The following KATNBL1 variants were observed in gnomAD, a reference collection of about 807,000 sequenced individuals.
KATNBL1 encodes the protein katanin regulatory subunit B1 like 1.
KATNBL1 carries 28 observed loss-of-function variants against 44.7 expected under a neutral mutation model. That is an observed-to-expected ratio of 0.63 (90% CI 0.46 to 0.86). The LOEUF is 0.86. KATNBL1 is among the 40% of genes least tolerant of loss of function. The probability of loss-of-function intolerance (pLI) is 0.00; values close to 1 mark genes in which losing one functional copy is unlikely to be tolerated. For synonymous variants in KATNBL1, 78 were observed against 114.9 expected (o/e 0.68, Z 2.06); for missense variants, 272 against 350.7 (o/e 0.78, Z 1.79).
intron 1 of KATNBL1, among the ~76,000 whole-genome samples, chr15:34,171,909 G>A (rs1052866892): frequency 7.0e-6 from 1 of 142,286 alleles, no homozygotes; most frequent in African/African-American, 2.6e-5. Context: ...ACACAGGGCG[G>A]GGAACATCAC....
At chr15:34,190,871 G>C (rs1889852012) in intron 1 of KATNBL1, among the ~76,000 whole-genome samples, 1 of 152,128 alleles carries the variant, frequency 6.6e-6, no homozygotes, top group Non-Finnish European at 1.5e-5. Flanking sequence ...ACAGGAACCT[G>C]TTAATGCGAC....
intron 1 of KATNBL1, among the ~76,000 whole-genome samples, chr15:34,173,133 G>A (rs1186155473): frequency 6.6e-6 from 1 of 151,722 alleles, no homozygotes; most frequent in Non-Finnish European, 1.5e-5. Context: ...CCAGAAGACT[G>A]GTTTAGAGGG....
rs376731006 is a variant in KATNBL1, at chr15:34,177,372, C to T, written c.-14-13682G>A. ...GGATTAAACAGCTCTAGGCTGGGAGCGGTGGCTCACACATGTAATCCCAGC... is the reference window on the plus strand; with the variant it reads ...GGATTAAACAGCTCTAGGCTGGGAGTGGTGGCTCACACATGTAATCCCAGC... On this transcript the variant is annotated intron_variant, in intron 1 of 9. Coordinates refer to ENST00000256544, the MANE Select transcript of KATNBL1 (RefSeq NM_024713.3). 1.1e-3 allele frequency among the ~76,000 whole-genome samples: 167 copies of T among 152,102 alleles called. 1 individual carries two copies. The South Asian group carries it at 0.013, about 12-fold the overall frequency.
rs61740102 is a variant in KATNBL1, at chr15:34,186,816, T to C, written c.-14-23126A>G. Among the ~76,000 whole-genome samples the C allele has an allele frequency of 9.6e-3, 1,456 of 152,278 alleles. 10 individuals are homozygous for C. Among genetic ancestry groups the C allele is most frequent in the Middle Eastern group, 0.041 (12 of 294 alleles). ...GGCAGCGGGAGACAGACAAGAGTCC[T>C]GGATGGAAGGGGGCAGGGTCCCCAG... is the stretch of plus-strand genomic sequence containing the variant. On this transcript the variant is annotated intron_variant, in intron 1 of 9. Coordinates refer to ENST00000256544, the MANE Select transcript of KATNBL1 (RefSeq NM_024713.3).
chr15:34,186,304 G>A (rs1889713877), intron 1 of KATNBL1, among the ~76,000 whole-genome samples: 1 of 152,282 alleles, frequency 6.6e-6, no homozygotes, highest in African/African-American at 2.4e-5. Context: ...TCTGAGTTGG[G>A]ACAGGAGGTC....
chr15:34,170,459 C>T (rs113602095), intron 1 of KATNBL1, among the ~76,000 whole-genome samples: 31,357 of 152,120 alleles, frequency 0.21, 4,038 homozygotes, highest in African/African-American at 0.37. Flanking sequence ...AATGGAAGAA[C>T]ATTCCATGCT....
chr15:34,143,067 T>G (rs1165649948), intron 9 of KATNBL1: 1 of 1,217,298 alleles, frequency 8.2e-7, no homozygotes, highest in Non-Finnish European at 1.1e-6. Context: ...TTTAATTTTG[T>G]AAGAAAGTCT....
intron 8 of KATNBL1, chr15:34,146,402 G>C (rs1888311523): frequency 5.8e-6 from 1 of 172,444 alleles, no homozygotes; most frequent in East Asian, 1.6e-4. Context: ...GGACTCTCAG[G>C]TTAATGTCTA....
chr15:34,154,588 A>G (rs1012692024), intron 3 of KATNBL1, 56 bp downstream of exon 3: 4 of 1,092,272 alleles, frequency 3.7e-6, no homozygotes, highest in African/African-American at 3.1e-5. Flanking sequence ...CCTTATTGTC[A>G]TCCTTACCCA....
Position 34,153,086 on chromosome 15 carries a change from T to C in KATNBL1, c.159-17A>G. On this transcript the variant is annotated splice_polypyrimidine_tract_variant and intron_variant, in intron 3 of 9. Transcript: ENST00000256544. The stretch of plus-strand genomic sequence containing the variant: ...CCAACTGTTCTGTAAAAAGAATTTA[T>C]TTTCTTAAATGAAAAAGAACCATAT... The C allele has an allele frequency of 6.4e-7, 1 of 1,556,910 alleles. No homozygotes were observed.
intron 2 of KATNBL1, among the ~76,000 whole-genome samples, chr15:34,155,385 T>G (rs934915697): frequency 6.6e-6 from 1 of 152,136 alleles, no homozygotes; most frequent in South Asian, 2.1e-4. Context: ...CTGTATGTCT[T>G]TGGACTAGCC....
chr15:34,146,732 C>T (rs1411769391), intron 8 of KATNBL1, 29 bp downstream of exon 8: 12 of 1,292,964 alleles, frequency 9.3e-6, no homozygotes, highest in Admixed American at 1.7e-5. Context: ...AAAATTTCAG[C>T]ATGAGTTTAT....
intron 1 of KATNBL1, among the ~76,000 whole-genome samples, chr15:34,197,933 A>G (rs989788431): frequency 6.6e-6 from 1 of 152,070 alleles, no homozygotes; most frequent in African/African-American, 2.4e-5. Context: ...TTTTTAGTAG[A>G]GACAGGGTTT....
At chr15:34,199,625 A>T (rs1314713454) in intron 1 of KATNBL1, 1 of 152,362 alleles carries the variant, frequency 6.6e-6, no homozygotes, top group African/African-American at 2.4e-5. Context: ...GCTCTCAAAA[A>T]TGGTGTGTCC....
At chr15:34,147,505 A>C in intron 5 of KATNBL1, 75 bp from the exon 6 acceptor site, 2 of 1,162,234 alleles carry the variant, frequency 1.7e-6, no homozygotes, top group Non-Finnish European at 2.5e-6. Context: ...GATTATTCAC[A>C]CCGCTTTTGA....
At chr15:34,163,500 A>C (rs934270062) in intron 2 of KATNBL1, 60 bp downstream of exon 2, 2 of 1,540,852 alleles carry the variant, frequency 1.3e-6, no homozygotes, top group African/African-American at 2.8e-5. Context: ...TCAACCAGAG[A>C]TATCTAGAGA....
At chr15:34,194,105 C>T (rs1440467355) in intron 1 of KATNBL1, among the ~76,000 whole-genome samples, 18 of 152,064 alleles carry the variant, frequency 1.2e-4, no homozygotes, top group Non-Finnish European at 4.4e-5. Context: ...CCATGCCTGG[C>T]TTATTTTTGT....
intron 9 of KATNBL1, chr15:34,142,932 G>C: frequency 6.7e-6 from 3 of 450,172 alleles, no homozygotes; most frequent in African/African-American, 2.1e-5. Flanking sequence ...GGATGGTCTC[G>C]ATCTCCTGAG....
intron 4 of KATNBL1, among the ~76,000 whole-genome samples, chr15:34,150,842 C>T (rs2140906430): frequency 6.6e-6 from 1 of 152,286 alleles, no homozygotes; most frequent in Middle Eastern, 3.4e-3. Flanking sequence ...AGCTCCCACT[C>T]CAACTGAGAA....
Sources: allele counts gnomAD v4.1 joint callset (sites outside exome capture counted in the v4.1 genomes callset), GRCh38; gene constraint gnomAD v4.1.1; transcripts MANE v1.5; gene names NCBI Gene and HGNC (gene_info 2026-07-23, HGNC 2026-07-21).